Variants in FAT4 observed in about 807,000 individuals in gnomAD.
FAT4 encodes protocadherin Fat 4.
A neutral mutation model predicts 303.9 loss-of-function variants in FAT4; 84 were observed. The observed-to-expected ratio is 0.28, with a 90% confidence interval of 0.23 to 0.33. The LOEUF is 0.33. Among genes scored for constraint, FAT4 ranks in the 10% least tolerant of loss-of-function variants. The probability of loss-of-function intolerance (pLI) is 1.00; values close to 1 mark genes in which losing one functional copy is unlikely to be tolerated. For missense variants in FAT4, 6,005 were observed against 6,146.8 expected, an observed-to-expected ratio of 0.98 and a Z score of 0.77; for synonymous variants, 2,307 against 2,298.8, an observed-to-expected ratio of 1.00 and a Z score of -0.10.
At chr4:125,463,857 C>G (rs947739426) in intron 11 of FAT4, among the ~76,000 whole-genome samples, 190 bp downstream of exon 11, 16 of 151,984 alleles carry the variant, frequency 1.1e-4, no homozygotes, top group Admixed American at 7.2e-4. Context: ...TTGCATTGGT[C>G]ATTACTAGAA....
At position 125,487,534 on chromosome 4, in the gene FAT4, G is replaced by A. The variant is rs143670711; in HGVS notation, c.13012G>A (p.Gly4338Ser). 20 of 1,613,758 alleles carry A rather than the reference G, an allele frequency of 1.2e-5. No individual in the cohort carries two copies. The highest frequency in any genetic ancestry group is 1.1e-4 in the African/African-American group (8 of 74,968). Residue 4338 changes from glycine to serine, a missense_variant, in exon 17 of 18, where the codon GGT (glycine) becomes AGT (serine). By Grantham distance (56) the Gly-to-Ser change is moderately conservative. Transcript: ENST00000394329. ...RDIIHPTQDFGGLDVLTISLG... is the reference protein window; with the variant it reads ...RDIIHPTQDFSGLDVLTISLG... ...TATTATCCACCCTACTCAGGACTTC[G>A]GTGGCCTTGATGTGCTTACTATATC...
At chr4:125,360,725 AAACTT>A (rs1303313210) in intron 2 of FAT4, among the ~76,000 whole-genome samples, 1 of 152,078 alleles carries the variant, frequency 6.6e-6, no homozygotes, top group East Asian at 1.9e-4. Context: ...TATACTCACA[AAACTT>A]AACATGTCTT....
chr4:125,351,286 T>A (rs1383646540), intron 2 of FAT4, among the ~76,000 whole-genome samples: 4 of 151,756 alleles, frequency 2.6e-5, no homozygotes, highest in Non-Finnish European at 5.9e-5. Flanking sequence ...GAACAATTAC[T>A]GATACAGGCC....
At chr4:125,378,755 C>T (rs78083805) in intron 2 of FAT4, among the ~76,000 whole-genome samples, 8 of 152,210 alleles carry the variant, frequency 5.3e-5, no homozygotes, top group African/African-American at 1.7e-4. Flanking sequence ...GAATTCCATA[C>T]TCAATATTTG....
intron 2 of FAT4, among the ~76,000 whole-genome samples, chr4:125,348,405 G>C (rs182613184): frequency 6.6e-6 from 1 of 151,658 alleles, no homozygotes; most frequent in African/African-American, 2.4e-5. Context: ...GAAAGTTGAA[G>C]GATCCTTTCT....
chr4:125,404,969 A>G (rs1734532300), intron 3 of FAT4, among the ~76,000 whole-genome samples: 1 of 151,218 alleles, frequency 6.6e-6, no homozygotes, highest in Non-Finnish European at 1.5e-5. Flanking sequence ...TATCCGAAAT[A>G]CTTGGGACCA....
chr4:125,439,134 C>G (rs540892015), intron 8 of FAT4, among the ~76,000 whole-genome samples: 1 of 152,046 alleles, frequency 6.6e-6, no homozygotes, highest in Admixed American at 6.5e-5. Context: ...TGTATTAATT[C>G]TTAGTCTTTC....
intron 2 of FAT4, among the ~76,000 whole-genome samples, chr4:125,323,053 C>G (rs940740512): frequency 1.3e-5 from 2 of 152,128 alleles, no homozygotes; most frequent in African/African-American, 4.8e-5. Flanking sequence ...CTCTCTCTAA[C>G]TTTCTTCTCT....
chr4:125,381,845 A>T (rs932216378), intron 2 of FAT4, among the ~76,000 whole-genome samples: 1 of 152,192 alleles, frequency 6.6e-6, no homozygotes, highest in East Asian at 1.9e-4. Flanking sequence ...CTCTTTTATC[A>T]GCTAAGTTGA....
chr4:125,487,458 G>A lies in FAT4; in HGVS notation c.12936G>A (p.Gly4312=), dbSNP rs761937264. 7 of 1,613,912 alleles carry A rather than the reference G, an allele frequency of 4.3e-6. No homozygotes were observed. Among genetic ancestry groups the A allele is most frequent in the Non-Finnish European group, 5.9e-6 (7 of 1,179,956 alleles). ...GCCACTGGCACACTTTTCTAATTGG[G>A]AAAAATGGAACAGCAACAGTATTGT... The part of the protein sequence containing the change: ...ADGHWHTFLI[G]KNGTATVLSV... The change falls in exon 17 of 18, where the codon GGG becomes GGA. Residue 4312 remains glycine (G), a synonymous_variant. Coordinates refer to ENST00000394329, the MANE Select transcript of FAT4 (RefSeq NM_001291303.3).
At chr4:125,484,828 A>G (rs190786598) in intron 16 of FAT4, among the ~76,000 whole-genome samples, 3 of 152,160 alleles carry the variant, frequency 2.0e-5, no homozygotes, top group Admixed American at 6.5e-5. Flanking sequence ...GTACAGTAAA[A>G]AGGCTGCATT....
chr4:125,391,678 G>A lies in FAT4; in HGVS notation c.5176-7106G>A, dbSNP rs1025844894. Among the ~76,000 whole-genome samples the A allele has an allele frequency of 9.2e-5, 14 of 152,182 alleles. No homozygotes were observed. In the East Asian group the frequency reaches 2.3e-3, roughly 25 times the overall value. On this transcript the variant is annotated intron_variant, in intron 2 of 17. Transcript: ENST00000394329. Reference sequence around the variant, plus strand: ...TGTTTTGTTTTAAAAGAAAAAAATAGTAAGTCATTATTATGAGTAGTTACT... The same window carrying A: ...TGTTTTGTTTTAAAAGAAAAAAATAATAAGTCATTATTATGAGTAGTTACT...
At chr4:125,332,419 A>C (rs1034005261) in intron 2 of FAT4, among the ~76,000 whole-genome samples, 1 of 152,214 alleles carries the variant, frequency 6.6e-6, no homozygotes, top group Admixed American at 6.5e-5. Context: ...ATAACCCCTT[A>C]AGTGAAGTTA....
intron 16 of FAT4, among the ~76,000 whole-genome samples, chr4:125,486,070 A>G (rs1466094120): frequency 6.6e-6 from 1 of 152,080 alleles, no homozygotes; most frequent in East Asian, 1.9e-4. Flanking sequence ...GTGCTCTTTC[A>G]TCAAAAATTT....
At chr4:125,334,764 C>G (rs1253969477) in intron 2 of FAT4, among the ~76,000 whole-genome samples, 2 of 151,976 alleles carry the variant, frequency 1.3e-5, no homozygotes, top group East Asian at 3.9e-4. Context: ...TAGAATTTTC[C>G]TCACCAGTAG....
intron 2 of FAT4, among the ~76,000 whole-genome samples, chr4:125,343,091 T>C (rs539090672): frequency 6.6e-6 from 1 of 152,312 alleles, no homozygotes; most frequent in South Asian, 2.1e-4. Context: ...CATTTACGCT[T>C]TTAAAATCAT....
At chr4:125,431,241 T>C (rs2126041430) in intron 7 of FAT4, among the ~76,000 whole-genome samples, 1 of 152,348 alleles carries the variant, frequency 6.6e-6, no homozygotes. Flanking sequence ...TACAGCACAA[T>C]GTGTATATCA....
At chr4:125,392,564 T>C (rs1734013802) in intron 2 of FAT4, among the ~76,000 whole-genome samples, 2 of 152,170 alleles carry the variant, frequency 1.3e-5, no homozygotes, top group Admixed American at 6.6e-5. Flanking sequence ...TTCACTGATA[T>C]TTACAGAGAA....
At chr4:125,410,293 C>T (rs553073163) in intron 5 of FAT4, among the ~76,000 whole-genome samples, 4 of 152,120 alleles carry the variant, frequency 2.6e-5, no homozygotes, top group African/African-American at 7.2e-5. Context: ...TTAATGTTAA[C>T]GATGTTAATA....
Sources: allele counts gnomAD v4.1 joint callset (sites outside exome capture counted in the v4.1 genomes callset), GRCh38; gene constraint gnomAD v4.1.1; transcripts MANE v1.5; gene names NCBI Gene and HGNC (gene_info 2026-07-23, HGNC 2026-07-21).